The following KANK1 variants were observed in gnomAD, a reference collection of about 807,000 sequenced individuals.
KANK1 encodes KN motif and ankyrin repeat domains 1.
Under a neutral mutation model 106.2 loss-of-function variants are expected in KANK1, and 109 were observed. The observed-to-expected ratio is 1.03, with a 90% confidence interval of 0.88 to 1.20. KANK1 has a LOEUF of 1.20. Ranked by LOEUF, KANK1 falls within the 50% of genes most tolerant of loss-of-function variation. KANK1 has a pLI of 0.00. For synonymous variants in KANK1, 873 were observed against 652.2 expected (o/e 1.34, Z -5.16); for missense variants, 2,399 against 1,710.7 (o/e 1.40, Z -7.10).
chr9:621,364 T>G (rs1833105916), intron 1 of KANK1, among the ~76,000 whole-genome samples: 1 of 152,180 alleles, frequency 6.6e-6, no homozygotes, highest in South Asian at 2.1e-4. Flanking sequence ...AGTCTTCATA[T>G]GCACTGAGTC....
intron 1 of KANK1, among the ~76,000 whole-genome samples, chr9:620,028 T>C (rs1437541508): frequency 6.6e-6 from 1 of 151,804 alleles, no homozygotes; most frequent in African/African-American, 2.4e-5. Context: ...TCCCAGCTGC[T>C]AGGGAGGCTG....
intron 1 of KANK1, among the ~76,000 whole-genome samples, chr9:643,013 T>TA (rs1838826767): frequency 6.6e-6 from 1 of 150,678 alleles, no homozygotes; most frequent in South Asian, 2.1e-4. Context: ...GGTGGCACCT[T>TA]TTAATAAAAA....
Position 582,051 on chromosome 9 carries a change from T to C in KANK1, c.-84+77297T>C, listed in dbSNP as rs76743343. ...TGAGGAAATTTCAGAGAGAAAAACA[T>C]TGGAACTCCCCCTGCCCCAGAGTTG... On this transcript the variant is annotated intron_variant, in intron 1 of 11. Coordinates refer to ENST00000382297, the MANE Select transcript of KANK1 (RefSeq NM_015158.5). Among the ~76,000 whole-genome samples, 14 of 152,184 alleles carry C rather than the reference T, an allele frequency of 9.2e-5. No individual in the cohort carries two copies. The East Asian group carries it at 2.1e-3, about 23-fold the overall frequency.
chr9:552,803 A>T (rs1488181237), intron 1 of KANK1, among the ~76,000 whole-genome samples: 2 of 152,148 alleles, frequency 1.3e-5, no homozygotes, highest in Non-Finnish European at 2.9e-5. Context: ...CACTGCTTTT[A>T]TTTGCAGAAT....
At chr9:516,388 C>G (rs1164727446) in intron 1 of KANK1, among the ~76,000 whole-genome samples, 1 of 151,628 alleles carries the variant, frequency 6.6e-6, no homozygotes, top group African/African-American at 2.4e-5. Context: ...TTTCTCAGCT[C>G]TGGCATGAAA....
At chr9:520,432 G>T (rs1332778959) in intron 1 of KANK1, among the ~76,000 whole-genome samples, 1 of 151,650 alleles carries the variant, frequency 6.6e-6, no homozygotes, top group Non-Finnish European at 1.5e-5. Flanking sequence ...CCTTCACTTG[G>T]CTGAAGAAAG....
intron 3 of KANK1, among the ~76,000 whole-genome samples, chr9:486,553 T>C (rs1239944976): frequency 1.3e-5 from 2 of 152,192 alleles, no homozygotes; most frequent in African/African-American, 4.8e-5. Flanking sequence ...TTATATAGCC[T>C]GTGAGTAGCA....
At chr9:527,409 C>A (rs1016577437) in intron 1 of KANK1, among the ~76,000 whole-genome samples, 1 of 59,668 alleles carries the variant, frequency 1.7e-5, no homozygotes, top group Non-Finnish European at 2.9e-5. Context: ...TGAAGTGATT[C>A]TCCTTCCTCA....
intron 1 of KANK1, among the ~76,000 whole-genome samples, chr9:612,129 C>G (rs1025666676): frequency 6.6e-6 from 1 of 152,208 alleles, no homozygotes; most frequent in Non-Finnish European, 1.5e-5. Context: ...ACCTCCCACA[C>G]AAAGCCACCT....
intron 3 of KANK1, among the ~76,000 whole-genome samples, chr9:482,279 G>A (rs778429355): frequency 3.9e-5 from 6 of 152,212 alleles, no homozygotes; most frequent in East Asian, 1.9e-4. Context: ...TTCAAGTGAC[G>A]AGTGTAATCC....
At chr9:640,416 T>A (rs1238652913) in intron 1 of KANK1, among the ~76,000 whole-genome samples, 2 of 151,436 alleles carry the variant, frequency 1.3e-5, no homozygotes, top group Non-Finnish European at 2.9e-5. Flanking sequence ...TTTTTTTTTT[T>A]ATACAGAGTC....
At chr9:485,113 A>G (rs2058269079) in intron 3 of KANK1, among the ~76,000 whole-genome samples, 1 of 151,966 alleles carries the variant, frequency 6.6e-6, no homozygotes. Flanking sequence ...ACCACCCTCC[A>G]CCCTCACTGT....
intron 3 of KANK1, among the ~76,000 whole-genome samples, chr9:475,625 A>G (rs907210693): frequency 6.6e-6 from 1 of 152,132 alleles, no homozygotes. Context: ...TTAACCCTAT[A>G]TATTGTGACT....
chr9:536,537 A>T (rs2060309329), intron 1 of KANK1, among the ~76,000 whole-genome samples: 1 of 152,158 alleles, frequency 6.6e-6, no homozygotes, highest in Non-Finnish European at 1.5e-5. Flanking sequence ...CCGTTTCTTC[A>T]TCTTCAAAGC....
At chr9:557,270 GT>G (rs1016600186) in intron 1 of KANK1, among the ~76,000 whole-genome samples, 2 of 151,888 alleles carry the variant, frequency 1.3e-5, no homozygotes, top group African/African-American at 4.8e-5. Flanking sequence ...TATTGTTTTG[GT>G]TTTGCTTTAA....
rs146843890 is a variant in KANK1 at position 677,802 on chromosome 9, A to T, written c.37+793A>T. On this transcript the variant is annotated intron_variant, in intron 2 of 11. Coordinates refer to ENST00000382297, the MANE Select transcript of KANK1 (RefSeq NM_015158.5). ...CTGGCTCTGAACACCTTCAAATGAC[A>T]ACATTATATACTGGAGCAAGTGTAG... Among the ~76,000 whole-genome samples the T allele has an allele frequency of 3.3e-5, 5 of 152,314 alleles. No homozygotes were observed. The East Asian group carries it at 9.6e-4, about 29-fold the overall frequency.
At chr9:642,224 A>G (rs1246448866) in intron 1 of KANK1, among the ~76,000 whole-genome samples, 4 of 143,376 alleles carry the variant, frequency 2.8e-5, no homozygotes, top group African/African-American at 1.2e-4. Context: ...TTACCTCTGT[A>G]TCATAAAAGC....
chr9:607,198 A>G (rs1014779076), intron 1 of KANK1, among the ~76,000 whole-genome samples: 2 of 151,768 alleles, frequency 1.3e-5, no homozygotes, highest in Non-Finnish European at 2.9e-5. Context: ...TTGAAAGCAG[A>G]TGGTTAGCAA....
chr9:600,318 C>A (rs1295548522), intron 1 of KANK1, among the ~76,000 whole-genome samples: 1 of 151,710 alleles, frequency 6.6e-6, no homozygotes, highest in East Asian at 1.9e-4. Flanking sequence ...TTATTTTACC[C>A]AGTGTAATGT....
Sources: allele counts gnomAD v4.1 joint callset (sites outside exome capture counted in the v4.1 genomes callset), GRCh38; gene constraint gnomAD v4.1.1; transcripts MANE v1.5; gene names NCBI Gene and HGNC (gene_info 2026-07-23, HGNC 2026-07-21).